Variants in NCOA2 observed in about 807,000 individuals in gnomAD.
NCOA2 encodes the protein class E basic helix-loop-helix protein 75.
Under a neutral mutation model 145.1 loss-of-function variants are expected in NCOA2, and 21 were observed. The ratio of observed to expected loss-of-function variants is 0.14; its 90% CI spans 0.10 to 0.21. The LOEUF (loss-of-function observed/expected upper bound fraction) is 0.21, where lower values mean the gene tolerates loss of function less well. Among genes scored for constraint, NCOA2 ranks in the 10% least tolerant of loss-of-function variants. The probability of loss-of-function intolerance (pLI) is 1.00; values close to 1 mark genes in which losing one functional copy is unlikely to be tolerated. For missense variants in NCOA2, 1,472 were observed against 1,837.6 expected (o/e 0.80, Z 3.64); for synonymous variants, 619 against 637.5 (o/e 0.97, Z 0.44).
chr8:70,445,084 A>C, the NCOA2 span, among the ~76,000 whole-genome samples: 7 of 152,212 alleles, frequency 4.6e-5, no homozygotes, highest in Non-Finnish European at 7.3e-5. Flanking sequence ...TTCAATTTAC[A>C]TTCTGCCAAC....
In NCOA2 at chr8:70,374,064, GA is replaced by G. The variant is rs1303561447; in HGVS notation, c.-77+29635del. On this transcript the variant is annotated intron_variant, in intron 1 of 22. Coordinates refer to ENST00000452400, the MANE Select transcript of NCOA2 (RefSeq NM_006540.4). ...ATTTTTCACTCACTGCTGAATGGGGGAAAAAAGTAGTATGGAAAACAACACT... is the reference window on the plus strand; with the variant it reads ...ATTTTTCACTCACTGCTGAATGGGGGAAAAAGTAGTATGGAAAACAACACT... 2.6e-5 allele frequency among the ~76,000 whole-genome samples: 4 copies of G among 152,072 alleles called. No homozygotes were observed. In the South Asian group the frequency reaches 6.2e-4, roughly 24 times the overall value.
chr8:70,203,527 T>C (rs1818138476), intron 4 of NCOA2, among the ~76,000 whole-genome samples: 2 of 151,958 alleles, frequency 1.3e-5, no homozygotes, highest in Non-Finnish European at 2.9e-5. Context: ...GGAGGATCAC[T>C]TGAACTCAGA....
intron 4 of NCOA2, among the ~76,000 whole-genome samples, chr8:70,177,111 C>T (rs945303630): frequency 6.6e-6 from 1 of 152,148 alleles, no homozygotes; most frequent in Non-Finnish European, 1.5e-5. Context: ...TCACAGGGGT[C>T]GCATCAGGGG....
intron 4 of NCOA2, among the ~76,000 whole-genome samples, chr8:70,177,385 C>G (rs2132847351): frequency 6.6e-6 from 1 of 152,284 alleles, no homozygotes; most frequent in African/African-American, 2.4e-5. Flanking sequence ...TCTGGATCCT[C>G]AATAGCACCG....
the NCOA2 span, among the ~76,000 whole-genome samples, chr8:70,440,272 G>A: frequency 8.6e-5 from 13 of 151,720 alleles, no homozygotes; most frequent in South Asian, 4.2e-4. Flanking sequence ...GCGAGACTCC[G>A]TCTCCAAGAA....
At chr8:70,396,208 A>C (rs1281083921) in intron 1 of NCOA2, among the ~76,000 whole-genome samples, 5 of 152,240 alleles carry the variant, frequency 3.3e-5, no homozygotes, top group Non-Finnish European at 7.3e-5. Context: ...TAAGGGCATA[A>C]GAAGCCAAAT....
intron 4 of NCOA2, among the ~76,000 whole-genome samples, chr8:70,186,037 C>T (rs1284126953): frequency 6.6e-6 from 1 of 151,854 alleles, no homozygotes; most frequent in African/African-American, 2.4e-5. Flanking sequence ...ACAATGAAAA[C>T]GCACATACAA....
Position 70,186,549 on chromosome 8 carries a change from C to T in NCOA2, c.260-11690G>A, listed in dbSNP as rs534082360. On this transcript the variant is annotated intron_variant, in intron 4 of 22. Transcript: ENST00000452400. ...ATCAGGGCCCTCTTCCAGAAGAGAG[C>T]TGTTACCTGGGACAGGTAAATTCTG... 4.6e-5 allele frequency among the ~76,000 whole-genome samples: 7 copies of T among 152,286 alleles called. No individual in the cohort carries two copies. In the South Asian group the frequency reaches 1.4e-3, roughly 32 times the overall value.
chr8:70,128,241 G>A (rs1808665877), intron 18 of NCOA2, among the ~76,000 whole-genome samples, 192 bp downstream of exon 18: 1 of 152,186 alleles, frequency 6.6e-6, no homozygotes, highest in South Asian at 2.1e-4. Flanking sequence ...AGAATTGACT[G>A]TACCTGGCAA....
At position 70,113,451 on chromosome 8, in the gene NCOA2, G is replaced by A. The variant is rs994256170; in HGVS notation, c.*181C>T. The A allele has an allele frequency of 3.2e-6, 2 of 628,278 alleles. No individual in the cohort carries two copies. The highest frequency in any genetic ancestry group is 5.6e-6 in the Non-Finnish European group (2 of 355,378). 38.9% of individuals were successfully genotyped at this position (628,278 alleles called of 1,614,324 possible). On this transcript the variant is annotated 3_prime_UTR_variant, in exon 23 of 23. Coordinates refer to ENST00000452400, the MANE Select transcript of NCOA2 (RefSeq NM_006540.4). The stretch of plus-strand genomic sequence containing the variant: ...GAGCTTCAGACTGTCAAGAGAAGAG[G>A]CAGCTCCTCCTGCCACAGCCGAGTG...
rs2131094774 is a variant in NCOA2 at position 70,110,851 on chromosome 8, A to G, written c.*2781T>C. ...TACATGAACACTTAAAATGAGTTTT[A>G]CAACCAAGTTAATGTATGTATACTT... On this transcript the variant is annotated 3_prime_UTR_variant, in exon 23 of 23. Coordinates refer to ENST00000452400, the MANE Select transcript of NCOA2 (RefSeq NM_006540.4). The G allele has an allele frequency of 4.5e-6, 1 of 222,916 alleles. No individual in the cohort carries two copies. Among genetic ancestry groups the G allele is most frequent in the South Asian group, 1.8e-4 (1 of 5,440 alleles). 13.8% of individuals were successfully genotyped at this position (222,916 alleles called of 1,614,324 possible). A position where few individuals can be genotyped will look rare whatever the true frequency, so the allele number is the denominator to read the frequency against.
At chr8:70,447,813 T>C in the NCOA2 span, among the ~76,000 whole-genome samples, 137 of 150,736 alleles carry the variant, frequency 9.1e-4, no homozygotes, top group Non-Finnish European at 3.2e-4. Context: ...GTCTCCTGAG[T>C]CGTTAGGACT....
intron 1 of NCOA2, among the ~76,000 whole-genome samples, chr8:70,336,687 G>C (rs1416613553): frequency 2.0e-5 from 3 of 152,056 alleles, no homozygotes; most frequent in African/African-American, 7.2e-5. Flanking sequence ...CACTCACTAT[G>C]ACAAGAACTA....
intron 2 of NCOA2, among the ~76,000 whole-genome samples, chr8:70,295,937 T>A (rs1827055894): frequency 6.6e-6 from 1 of 152,198 alleles, no homozygotes; most frequent in East Asian, 1.9e-4. Context: ...AGAGCGAGAT[T>A]CCATCTCAAA....
At chr8:70,252,806 C>T (rs1359600891) in intron 2 of NCOA2, among the ~76,000 whole-genome samples, 2 of 152,180 alleles carry the variant, frequency 1.3e-5, no homozygotes, top group Non-Finnish European at 2.9e-5. Flanking sequence ...CAAAAGGCTA[C>T]TCTTTGTAGA....
chr8:70,337,136 G>A (rs1232489003), intron 1 of NCOA2, among the ~76,000 whole-genome samples: 2 of 152,056 alleles, frequency 1.3e-5, no homozygotes, highest in Non-Finnish European at 2.9e-5. Flanking sequence ...TACCTGGTAT[G>A]GACTGATAAT....
At chr8:70,366,871 C>T (rs1311984430) in intron 1 of NCOA2, among the ~76,000 whole-genome samples, 1 of 152,090 alleles carries the variant, frequency 6.6e-6, no homozygotes, top group Admixed American at 6.6e-5. Flanking sequence ...ACTTTGGCAG[C>T]ATATCATCCA....
At chr8:70,159,243 T>TATATATGTATATA (rs869045939) in intron 10 of NCOA2, among the ~76,000 whole-genome samples, 3 of 82,070 alleles carry the variant, frequency 3.7e-5, no homozygotes, top group Admixed American at 1.5e-4. Flanking sequence ...TATATATATA[T>TATATATGTATATA]TTTTTTTTTT....
At chr8:70,444,461 T>C in the NCOA2 span, among the ~76,000 whole-genome samples, 2 of 152,240 alleles carry the variant, frequency 1.3e-5, no homozygotes, top group African/African-American at 2.4e-5. Flanking sequence ...CATGTGAAAA[T>C]ATCGCATAGA....
Sources: allele counts gnomAD v4.1 joint callset (sites outside exome capture counted in the v4.1 genomes callset), GRCh38; gene constraint gnomAD v4.1.1; transcripts MANE v1.5; gene names NCBI Gene and HGNC (gene_info 2026-07-23, HGNC 2026-07-21).